CA5B: variants seen among roughly 807,000 people sequenced by gnomAD.
CA5B encodes carbonic anhydrase 5B.
In CA5B, 15 loss-of-function variants were observed where a neutral mutation model predicts 23.1. The observed-to-expected ratio is 0.65, with a 90% CI of 0.43 to 1.00. The LOEUF (loss-of-function observed/expected upper bound fraction) is 1.00. Among genes scored for constraint, CA5B ranks in the 50% least tolerant of loss-of-function variants. CA5B has a pLI of 0.00. For synonymous variants in CA5B, 84 were observed against 98.5 expected (o/e 0.85, Z 0.87); for missense variants, 236 against 252.2 (o/e 0.94, Z 0.43).
In CA5B at chrX:15,784,374, A is replaced by G. The variant is rs773888517; in HGVS notation, c.*1710A>G. ...CATTAGTCAAGGTTCTTTGCAAGGC[A>G]GGTGATTAACTTAAATATCTCAGTT... is the stretch of plus-strand genomic sequence containing the variant. On this transcript the variant is annotated 3_prime_UTR_variant, in exon 8 of 8. Transcript: ENST00000318636. The G allele has an allele frequency of 1.1e-4, 12 of 112,560 alleles. No homozygotes were observed. Among genetic ancestry groups the G allele is most frequent in the Admixed American group, 5.7e-4 (6 of 10,599 alleles). The allele number at this position is 112,560 out of a possible 1,213,427, so 9.3% of individuals were successfully genotyped here.
At chrX:15,769,972 G>A (rs1332402605) in intron 3 of CA5B, among the ~76,000 whole-genome samples, 2 of 112,037 alleles carry the variant, frequency 1.8e-5, no homozygotes, top group African/African-American at 6.5e-5. Flanking sequence ...TATTTGTTAT[G>A]TAATTTTTTT....
chrX:15,746,701 T>C (rs1931242059), intron 1 of CA5B, among the ~76,000 whole-genome samples: 1 of 111,121 alleles, frequency 9.0e-6, no homozygotes, highest in Admixed American at 9.6e-5. Flanking sequence ...ATTTCGCGGG[T>C]AAGGGCTTGA....
At chrX:15,768,886 G>C (rs1931764801) in intron 3 of CA5B, 1 of 112,125 alleles carries the variant, frequency 8.9e-6, no homozygotes, top group South Asian at 3.6e-4. Context: ...TGTGCTTTGT[G>C]AGGATTGGAA....
In CA5B at chrX:15,787,176, ATCC is replaced by A. The variant is rs1318909363; in HGVS notation, c.*4517_*4519del. 9.0e-6 allele frequency: 1 copy of A among 111,607 alleles called. No homozygotes were observed. Among genetic ancestry groups the A allele is most frequent in the Non-Finnish European group, 1.9e-5 (1 of 53,116 alleles). 9.2% of individuals were successfully genotyped at this position (111,607 alleles called of 1,213,427 possible). On this transcript the variant is annotated 3_prime_UTR_variant, in exon 8 of 8. Coordinates refer to ENST00000318636, the MANE Select transcript of CA5B (RefSeq NM_007220.4). ...CTCATTGGGCAAAGCTTTAAAGTAC[ATCC>A]TCCTTCCAGGGGAAAGAGGAACACA...
At chrX:15,747,870 A>G (rs1323188621) in intron 1 of CA5B, among the ~76,000 whole-genome samples, 1 of 111,326 alleles carries the variant, frequency 9.0e-6, no homozygotes, top group Non-Finnish European at 1.9e-5. Context: ...GGAGTTCAGG[A>G]GAGGAAAGTT....
At chrX:15,782,414 A>G (rs1443400793) in intron 7 of CA5B, 71 bp from the exon 8 acceptor site, 2 of 968,549 alleles carry the variant, frequency 2.1e-6, no homozygotes, top group Non-Finnish European at 1.4e-6. Flanking sequence ...TGTAAAAATG[A>G]AAGTAATTTA....
At chrX:15,767,187 T>A in intron 3 of CA5B, 1 of 423,356 alleles carries the variant, frequency 2.4e-6, no homozygotes, top group Non-Finnish European at 3.0e-6. Context: ...AGCAGCCTGC[T>A]TTCTTCTGGG....
At position 15,774,329 on chromosome X, in the gene CA5B, A is replaced by G. The variant is rs1194624924; in HGVS notation, c.487A>G (p.Arg163Gly). The G allele has an allele frequency of 8.3e-7, 1 of 1,210,577 alleles. No individual in the cohort carries two copies. The highest frequency in any genetic ancestry group is 2.2e-5 in the Admixed American group (1 of 45,855). ...GCACTTAGTGCATTGGAACGCAGTC[A>G]GATTTGAAAACTTTGAGGATGCAGC... ...ELHLVHWNAV[R>G]FENFEDAALE... Residue 163 changes from arginine to glycine, a missense_variant, in exon 5 of 8, where the codon AGA (arginine) becomes GGA (glycine). Arg to Gly is a moderately radical substitution (Grantham distance 125). This residue lies in a region of CA5B where 170 missense variants were observed against 162.0 expected (regional missense o/e 1.05). Coordinates refer to ENST00000318636, the MANE Select transcript of CA5B (RefSeq NM_007220.4).
At chrX:15,741,468 G>A (rs769536376) in intron 1 of CA5B, among the ~76,000 whole-genome samples, 3 of 107,159 alleles carry the variant, frequency 2.8e-5, no homozygotes, top group Admixed American at 2.0e-4. Flanking sequence ...TGACAGGTTT[G>A]TGGGGGATTT....
At position 15,782,604 on chromosome X, in the gene CA5B, T is replaced by C. The variant is rs1444458793; in HGVS notation, c.894T>C (p.His298=). The change falls in exon 8 of 8, where the codon CAT becomes CAC. Residue 298 remains histidine (H), a synonymous_variant. Coordinates refer to ENST00000318636, the MANE Select transcript of CA5B (RefSeq NM_007220.4). ...MNRTVRSSFR[H]DYVLNVQAKP... is the part of the protein sequence containing the mutation. ...GCACTGTTCGTTCATCCTTCCGGCA[T>C]GATTATGTGCTGAATGTACAAGCGA... The C allele has an allele frequency of 2.5e-6, 3 of 1,209,652 alleles. No homozygotes were observed. The highest frequency in any genetic ancestry group is 2.2e-5 in the Admixed American group (1 of 45,674).
intron 7 of CA5B, among the ~76,000 whole-genome samples, chrX:15,781,016 TTGCCCAGGTGAGAGTCCAGTGGCGCG>T (rs1435945946): frequency 5.5e-5 from 6 of 109,324 alleles, no homozygotes; most frequent in Non-Finnish European, 7.6e-5. Flanking sequence ...TTCACTCTCG[TTGCCCAGGTGAGAGTCCAGTGGCGCG>T]TGCCCAGGTG....
chrX:15,746,058 C>G (rs1931225353), intron 1 of CA5B, among the ~76,000 whole-genome samples: 1 of 1,478 alleles, frequency 6.8e-4, no homozygotes, highest in East Asian at 0.091. Flanking sequence ...GAGACGGAGT[C>G]TCGCTCTGTC....
intron 3 of CA5B, among the ~76,000 whole-genome samples, chrX:15,765,761 G>A (rs748697376): frequency 3.6e-5 from 4 of 110,298 alleles, no homozygotes; most frequent in Non-Finnish European, 3.8e-5. Context: ...TATCCTTAAC[G>A]AAGAGTTGTC....
Position 15,764,574 on chromosome X carries a change from C to T in CA5B, c.143-4C>T, listed in dbSNP as rs754728269. 3.3e-6 allele frequency: 4 copies of T among 1,209,139 alleles called. No individual in the cohort carries two copies. The Admixed American group carries it at 8.7e-5, about 26-fold the overall frequency. ...TGATAATAGGCTGACCTGCTTTCTC[C>T]TAGTGCATCCACTCTGGGAGAGCGT... On this transcript the variant is annotated splice_polypyrimidine_tract_variant and splice_region_variant and intron_variant, in intron 2 of 7. Transcript: ENST00000318636.
intron 2 of CA5B, among the ~76,000 whole-genome samples, chrX:15,752,717 TC>T (rs2147257072): frequency 2.2e-5 from 2 of 90,527 alleles, no homozygotes; most frequent in South Asian, 1.0e-3. Flanking sequence ...AGAGCGAGAC[TC>T]TGTCTCAAAA....
intron 3 of CA5B, chrX:15,765,266 C>CT (rs1931682919): frequency 2.7e-5 from 10 of 368,539 alleles, no homozygotes; most frequent in Non-Finnish European, 3.5e-5. Flanking sequence ...GAAATGGAAA[C>CT]TTATGATCTG....
At chrX:15,744,721 C>T (rs1931190186) in intron 1 of CA5B, among the ~76,000 whole-genome samples, 1 of 111,217 alleles carries the variant, frequency 9.0e-6, no homozygotes, top group Non-Finnish European at 1.9e-5. Context: ...GAAGGTTCCC[C>T]TGTCCATCCC....
At chrX:15,770,761 CTA>C (rs1931801826) in intron 3 of CA5B, among the ~76,000 whole-genome samples, 1 of 107,890 alleles carries the variant, frequency 9.3e-6, no homozygotes, top group African/African-American at 3.4e-5. Flanking sequence ...CTTTTCTTTT[CTA>C]TGTTTTATTT....
At chrX:15,781,019 C>T (rs1366889300) in intron 7 of CA5B, among the ~76,000 whole-genome samples, 2 of 107,690 alleles carry the variant, frequency 1.9e-5, no homozygotes, top group Admixed American at 1.0e-4. Context: ...ACTCTCGTTG[C>T]CCAGGTGAGA....
Sources: gnomAD v4.1 joint callset for allele counts (sites outside exome capture counted in the v4.1 genomes callset) on GRCh38, gnomAD v4.1.1 for gene constraint, gnomAD v4.1.1 regional missense constraint, MANE v1.5 for transcripts, NCBI Gene and HGNC (gene_info 2026-07-23, HGNC 2026-07-21) for gene names.